LRBA: variants seen among roughly 807,000 people sequenced by gnomAD.
LRBA encodes the protein LPS responsive beige-like anchor protein, also known as lipopolysaccharide-responsive and beige-like anchor protein.
A neutral mutation model predicts 330.0 loss-of-function variants in LRBA; 176 were observed. The ratio of observed to expected loss-of-function variants is 0.53; its 90% CI spans 0.47 to 0.60. The LOEUF (loss-of-function observed/expected upper bound fraction) is 0.60. LRBA is among the 20% of genes least tolerant of loss of function. The pLI is 0.00. For synonymous variants in LRBA, 1,230 were observed against 1,193.0 expected (o/e 1.03, Z -0.64); for missense variants, 3,259 against 3,444.8 (o/e 0.95, Z 1.35).
chr4:150,870,292 G>C (rs1170373947), intron 20 of LRBA, among the ~76,000 whole-genome samples: 2 of 152,104 alleles, frequency 1.3e-5, no homozygotes, highest in Non-Finnish European at 2.9e-5. Context: ...ATTACATCAA[G>C]ACCTTAAGCA....
intron 43 of LRBA, among the ~76,000 whole-genome samples, chr4:150,468,816 G>A (rs113669398): frequency 0.018 from 2,704 of 151,646 alleles, 85 homozygotes; most frequent in African/African-American, 0.06. Flanking sequence ...TGGTATCTAA[G>A]CCTTTTTTAG....
At chr4:150,274,259 A>G (rs868224175) in intron 56 of LRBA, among the ~76,000 whole-genome samples, 15 of 152,188 alleles carry the variant, frequency 9.9e-5, no homozygotes, top group Admixed American at 2.0e-4. Flanking sequence ...CTTGAAACCA[A>G]TGAGAACAAA....
chr4:150,434,181 A>G (rs545067610), intron 46 of LRBA, among the ~76,000 whole-genome samples: 54 of 152,080 alleles, frequency 3.6e-4, no homozygotes, highest in Non-Finnish European at 7.5e-4. Context: ...ATATTTCTCT[A>G]TGGAACTATA....
At chr4:150,695,285 A>T (rs181631004) in intron 36 of LRBA, among the ~76,000 whole-genome samples, 50 of 152,302 alleles carry the variant, frequency 3.3e-4, no homozygotes, top group African/African-American at 1.2e-3. Flanking sequence ...AGCTCTCTGT[A>T]TCCCCAGGTT....
chr4:150,882,011 G>A (rs778334859), intron 17 of LRBA, among the ~76,000 whole-genome samples: 17 of 151,842 alleles, frequency 1.1e-4, no homozygotes, highest in Non-Finnish European at 2.1e-4. Flanking sequence ...GCTTCAACCC[G>A]AGAGGCAGAA....
intron 13 of LRBA, among the ~76,000 whole-genome samples, chr4:150,903,086 T>C (rs1253026293): frequency 6.6e-6 from 1 of 152,144 alleles, no homozygotes; most frequent in African/African-American, 2.4e-5. Flanking sequence ...AGTCATATGT[T>C]AGGAAAATAT....
At chr4:150,860,677 A>G (rs1751793765) in intron 22 of LRBA, among the ~76,000 whole-genome samples, 1 of 152,084 alleles carries the variant, frequency 6.6e-6, no homozygotes, top group Non-Finnish European at 1.5e-5. Context: ...AATACAAAAA[A>G]TTAGCCAGGC....
chr4:150,492,864 T>TA (rs777690502), intron 40 of LRBA, among the ~76,000 whole-genome samples: 32 of 152,258 alleles, frequency 2.1e-4, no homozygotes, highest in Non-Finnish European at 4.3e-4. Flanking sequence ...CTTCTCCTCT[T>TA]ATGTCACCTC....
intron 40 of LRBA, among the ~76,000 whole-genome samples, chr4:150,539,267 C>A (rs536081482): frequency 6.6e-6 from 1 of 152,324 alleles, no homozygotes; most frequent in South Asian, 2.1e-4. Flanking sequence ...AGCCACAGTG[C>A]CCAGCAGTTT....
At chr4:150,883,372 A>G (rs1295421719) in intron 17 of LRBA, among the ~76,000 whole-genome samples, 1 of 152,140 alleles carries the variant, frequency 6.6e-6, no homozygotes, top group African/African-American at 2.4e-5. Context: ...AGGCAGGACA[A>G]TCACTTGAAC....
At chr4:150,507,422 C>T (rs528688312) in intron 40 of LRBA, among the ~76,000 whole-genome samples, 19 of 152,038 alleles carry the variant, frequency 1.2e-4, no homozygotes, top group African/African-American at 3.6e-4. Flanking sequence ...GAAATAATGC[C>T]GCATATCTAC....
At chr4:150,326,396 C>T (rs1733271270) in intron 48 of LRBA, among the ~76,000 whole-genome samples, 1 of 152,306 alleles carries the variant, frequency 6.6e-6, no homozygotes, top group Non-Finnish European at 1.5e-5. Context: ...TTATTGTTGA[C>T]TGTCTCTTTG....
chr4:150,763,055 G>A (rs17027086), intron 34 of LRBA, among the ~76,000 whole-genome samples: 105 of 152,032 alleles, frequency 6.9e-4, no homozygotes, highest in African/African-American at 2.5e-3. Flanking sequence ...CACATGACAT[G>A]ATTTTGTCAA....
intron 37 of LRBA, among the ~76,000 whole-genome samples, chr4:150,602,900 T>A (rs1334856608): frequency 6.6e-6 from 1 of 152,192 alleles, no homozygotes; most frequent in East Asian, 1.9e-4. Context: ...AATATAAGCA[T>A]GGATAAGATC....
chr4:150,868,568 G>A (rs1216110536), intron 20 of LRBA, among the ~76,000 whole-genome samples: 1 of 152,126 alleles, frequency 6.6e-6, no homozygotes, highest in Non-Finnish European at 1.5e-5. Context: ...AATAAAACAA[G>A]TTAAATTATA....
At position 150,686,175 on chromosome 4, in the gene LRBA, C is replaced by T. The variant is rs185747039; in HGVS notation, c.5755-2458G>A. On this transcript the variant is annotated intron_variant, in intron 36 of 56. Transcript: ENST00000651943. ...TATTAGATCTAAGATTGGGTCAATC[C>T]GAAGATTCTGGGCAACCTCTGTGAG... Among the ~76,000 whole-genome samples the T allele has an allele frequency of 7.9e-5, 12 of 152,172 alleles. No homozygotes were observed. The East Asian group carries it at 1.4e-3, about 17-fold the overall frequency.
intron 37 of LRBA, among the ~76,000 whole-genome samples, chr4:150,638,001 T>C (rs1404510609): frequency 6.6e-6 from 1 of 152,128 alleles, no homozygotes; most frequent in African/African-American, 2.4e-5. Flanking sequence ...GAAACTTACA[T>C]AGGGGATTAT....
intron 35 of LRBA, among the ~76,000 whole-genome samples, chr4:150,752,270 C>G (rs1733660775): frequency 6.6e-6 from 1 of 152,054 alleles, no homozygotes; most frequent in Non-Finnish European, 1.5e-5. Context: ...TGCCTCCTTG[C>G]AACATCTATC....
chr4:150,983,793 T>A (rs1393637049), intron 2 of LRBA, among the ~76,000 whole-genome samples: 1 of 151,000 alleles, frequency 6.6e-6, no homozygotes, highest in South Asian at 2.1e-4. Flanking sequence ...AAAACTACAA[T>A]GGCTGATAAG....
Sources: allele counts gnomAD v4.1 joint callset (sites outside exome capture counted in the v4.1 genomes callset), GRCh38; gene constraint gnomAD v4.1.1; transcripts MANE v1.5; gene names NCBI Gene and HGNC (gene_info 2026-07-23, HGNC 2026-07-21).